The following SV2B variants were observed in gnomAD, a reference collection of about 807,000 sequenced individuals.
The protein encoded by SV2B is synaptic vesicle glycoprotein 2B.
SV2B carries 41 observed loss-of-function variants against 73.9 expected under a neutral mutation model. The ratio of observed to expected loss-of-function variants is 0.56; its 90% CI spans 0.43 to 0.72. The LOEUF is 0.72. SV2B is among the 30% of genes least tolerant of loss of function. The pLI, the probability that SV2B is intolerant of heterozygous loss-of-function variation, is 0.00. For missense variants in SV2B, 764 were observed against 857.8 expected (o/e 0.89, Z 1.37); for synonymous variants, 314 against 314.2 (o/e 1.00, Z 0.01).
At chr15:91,185,942 G>T (rs568877106) in intron 1 of SV2B, among the ~76,000 whole-genome samples, 2 of 152,270 alleles carry the variant, frequency 1.3e-5, no homozygotes, top group African/African-American at 4.8e-5. Flanking sequence ...TTGCAGTGAG[G>T]TGTGACCAGA....
intron 6 of SV2B, among the ~76,000 whole-genome samples, chr15:91,263,825 C>A (rs1326315746): frequency 6.6e-6 from 1 of 152,216 alleles, no homozygotes; most frequent in Non-Finnish European, 1.5e-5. Context: ...TTTCTCCGTG[C>A]CCCTCCTCCC....
intron 1 of SV2B, among the ~76,000 whole-genome samples, chr15:91,213,270 T>G (rs141675621): frequency 6.6e-6 from 1 of 152,280 alleles, no homozygotes; most frequent in Non-Finnish European, 1.5e-5. Context: ...ATGGGCACAT[T>G]TAACTTTTCC....
Position 91,123,982 on chromosome 15 carries a change from A to G in SV2B, c.-392+23619A>G, listed in dbSNP as rs1229400789. 6.6e-6 allele frequency among the ~76,000 whole-genome samples: 1 copy of G among 152,126 alleles called. No individual in the cohort carries two copies. Among genetic ancestry groups the G allele is most frequent in the East Asian group, 1.9e-4 (1 of 5,182 alleles). On this transcript the variant is annotated intron_variant, in intron 1 of 12. Transcript: ENST00000394232. This position sits in a 1 kb window ranked among gnomAD's most constrained non-coding sequence, Gnocchi z 4.7. Reference sequence around the variant, plus strand: ...AGGTGCCTTGAAGAGGTACCTAGAGAAAATATTCAGCTTGCAAGCTGCTAG... The same window carrying G: ...AGGTGCCTTGAAGAGGTACCTAGAGGAAATATTCAGCTTGCAAGCTGCTAG...
chr15:91,199,738 C>G (rs891651506), intron 1 of SV2B, among the ~76,000 whole-genome samples: 1 of 152,160 alleles, frequency 6.6e-6, no homozygotes, highest in African/African-American at 2.4e-5. Context: ...GGAACAGAGG[C>G]TTAATGGAAA....
intron 1 of SV2B, among the ~76,000 whole-genome samples, chr15:91,213,737 A>G (rs2045938476): frequency 6.6e-6 from 1 of 152,226 alleles, no homozygotes; most frequent in Admixed American, 6.5e-5. Flanking sequence ...TACCACTCCT[A>G]TAAATATAGG....
rs990302901 is a variant in SV2B, at chr15:91,258,869, G to A, written c.918+315G>A. Among the ~76,000 whole-genome samples, 2 of 151,372 alleles carry A rather than the reference G, an allele frequency of 1.3e-5. No homozygotes were observed. Among genetic ancestry groups the A allele is most frequent in the Non-Finnish European group, 2.9e-5 (2 of 67,898 alleles). On this transcript the variant is annotated intron_variant, in intron 5 of 12. Transcript: ENST00000394232. This position sits in a 1 kb window ranked among gnomAD's most constrained non-coding sequence, Gnocchi z 4.7. ...CCTCATGGCACCCACTGTCCCCCGA[G>A]GTCCTGATTAGGAAGTTTTTTAGCC...
intron 11 of SV2B, among the ~76,000 whole-genome samples, chr15:91,286,210 G>A (rs2048855904): frequency 6.6e-6 from 1 of 152,150 alleles, no homozygotes. Flanking sequence ...CAAGTGCATG[G>A]TAAAGACAAG....
At chr15:91,285,906 C>T (rs539406288) in intron 11 of SV2B, among the ~76,000 whole-genome samples, 12 of 152,236 alleles carry the variant, frequency 7.9e-5, no homozygotes, top group African/African-American at 2.9e-4. Flanking sequence ...CAGGGGCAGG[C>T]GGGACGGTGA....
At chr15:91,204,198 A>C (rs1160337086) in intron 1 of SV2B, among the ~76,000 whole-genome samples, 1 of 152,094 alleles carries the variant, frequency 6.6e-6, no homozygotes, top group Non-Finnish European at 1.5e-5. Flanking sequence ...TTCGCTTTTA[A>C]ATTTAGAGCA....
Position 91,260,312 on chromosome 15 carries a change from T to G in SV2B, c.919-8T>G, listed in dbSNP as rs755660901. 36 of 1,605,314 alleles carry G rather than the reference T, an allele frequency of 2.2e-5. No individual in the cohort carries two copies. The Admixed American group carries it at 6.3e-4, about 28-fold the overall frequency. The stretch of plus-strand genomic sequence containing the variant: ...AATTTTTCCTGTGTCTTTCCTTGGT[T>G]TCACCAGATGGGCAAACATGATGAA... On this transcript the variant is annotated splice_region_variant and splice_polypyrimidine_tract_variant and intron_variant, in intron 5 of 12. Coordinates refer to ENST00000394232, the MANE Select transcript of SV2B (RefSeq NM_001323032.3).
intron 1 of SV2B, among the ~76,000 whole-genome samples, chr15:91,163,271 G>A (rs55932911): frequency 0.12 from 17,798 of 152,204 alleles, 1,353 homozygotes; most frequent in South Asian, 0.22. Flanking sequence ...CCCTTTGGGT[G>A]TGTACCCAGT....
intron 1 of SV2B, among the ~76,000 whole-genome samples, chr15:91,166,818 CTTT>C (rs758428764): frequency 7.2e-6 from 1 of 139,142 alleles, no homozygotes; most frequent in African/African-American, 2.8e-5. Flanking sequence ...GTTTTCTTTT[CTTT>C]TTTTTTTTTT....
intron 4 of SV2B, among the ~76,000 whole-genome samples, chr15:91,256,354 C>T (rs886195544): frequency 2.0e-5 from 3 of 152,002 alleles, no homozygotes; most frequent in African/African-American, 4.8e-5. Flanking sequence ...GCCATAGAGG[C>T]GTGAAGGAAT....
chr15:91,176,884 T>G (rs2044330536), intron 1 of SV2B, among the ~76,000 whole-genome samples: 1 of 152,138 alleles, frequency 6.6e-6, no homozygotes, highest in Admixed American at 6.5e-5. Context: ...GTGCAGAAGC[T>G]CTTTAGTTTA....
chr15:91,262,085 T>G (rs2047927785), intron 6 of SV2B, among the ~76,000 whole-genome samples: 1 of 152,204 alleles, frequency 6.6e-6, no homozygotes. Flanking sequence ...TCAGGCAGGA[T>G]CACACGGTGG....
rs201538436 is a variant in SV2B at position 91,281,809 on chromosome 15, A to G, written c.1455A>G (p.Thr485=). 6.2e-7 allele frequency: 1 copy of G among 1,613,426 alleles called. No homozygotes were observed. The highest frequency in any genetic ancestry group is 1.3e-5 in the African/African-American group (1 of 75,030). The change falls in exon 10 of 13, where the codon ACA becomes ACG. Residue 485 remains threonine, a synonymous_variant. Coordinates refer to ENST00000394232, the MANE Select transcript of SV2B (RefSeq NM_001323032.3). This position sits in a 1 kb window ranked among gnomAD's most constrained non-coding sequence, Gnocchi z 4.7. The part of the protein sequence containing the change: ...DECYFEDVTS[T]DTYFKNCTIE... ...GCTATTTTGAAGACGTAACATCAAC[A>G]GATACCTACTTCAAAAATTGTACCA... is the stretch of plus-strand genomic sequence containing the variant.
rs1397085277 is a variant in SV2B, at chr15:91,240,470, AAG to A, written c.452-11346_452-11345del. On this transcript the variant is annotated intron_variant, in intron 2 of 12. Transcript: ENST00000394232. This position sits in a 1 kb window ranked among gnomAD's most constrained non-coding sequence, Gnocchi z 4.6. The stretch of plus-strand genomic sequence containing the variant: ...CTCACGGGCTTGTTTACTGATGAAC[AAG>A]AGGTGTTAGTCCCTCCTGTCCTGTC... Among the ~76,000 whole-genome samples, 1 of 152,156 alleles carries A rather than the reference AAG, an allele frequency of 6.6e-6. No individual in the cohort carries two copies. Among genetic ancestry groups the A allele is most frequent in the Non-Finnish European group, 1.5e-5 (1 of 68,024 alleles).
rs1335555501 is a variant in SV2B, at chr15:91,294,294, C to G, written c.*1742C>G. 3.3e-5 allele frequency: 5 copies of G among 152,168 alleles called. No individual in the cohort carries two copies. Among genetic ancestry groups the G allele is most frequent in the Non-Finnish European group, 7.4e-5 (5 of 68,026 alleles). 9.4% of individuals were successfully genotyped at this position (152,168 alleles called of 1,614,324 possible). On this transcript the variant is annotated 3_prime_UTR_variant, in exon 13 of 13. Coordinates refer to ENST00000394232, the MANE Select transcript of SV2B (RefSeq NM_001323032.3). This position sits in a 1 kb window ranked among gnomAD's most constrained non-coding sequence, Gnocchi z 4.1. ...AATTAACGGGTTGGTAGGGGTAAAT[C>G]TTATGACACCTTTCCACCGTCGATT...
In SV2B at chr15:91,130,940, C is replaced by T. The variant is rs2042622436; in HGVS notation, c.-392+30577C>T. On this transcript the variant is annotated intron_variant, in intron 1 of 12. Transcript: ENST00000394232. The surrounding 1 kb of genome is among the most constrained non-coding windows in gnomAD (Gnocchi z 5.6). The stretch of plus-strand genomic sequence containing the variant: ...AAAAGGAGGAGATGGTTGATGGATC[C>T]AAGTTCAGGAACACATGGGAGGGTG... Among the ~76,000 whole-genome samples the T allele has an allele frequency of 6.6e-6, 1 of 151,822 alleles. No individual in the cohort carries two copies. The highest frequency in any genetic ancestry group is 2.4e-5 in the African/African-American group (1 of 41,302).
Sources: allele counts gnomAD v4.1 joint callset (sites outside exome capture counted in the v4.1 genomes callset), GRCh38; gene constraint gnomAD v4.1.1; non-coding constraint Gnocchi (gnomAD v3.1); transcripts MANE v1.5; gene names NCBI Gene and HGNC (gene_info 2026-07-23, HGNC 2026-07-21).